Variants in RPRD2 observed in about 807,000 individuals in gnomAD.
RPRD2 encodes regulation of nuclear pre-mRNA domain-containing protein 2.
RPRD2 carries 12 observed loss-of-function variants against 104.4 expected under a neutral mutation model. The ratio of observed to expected loss-of-function variants is 0.11; its 90% CI spans 0.07 to 0.19. The LOEUF is 0.19. Among genes scored for constraint, RPRD2 ranks in the 10% least tolerant of loss-of-function variants. The pLI, the probability that RPRD2 is intolerant of heterozygous loss-of-function variation, is 1.00. For missense variants in RPRD2, 1,543 were observed against 1,790.1 expected, an observed-to-expected ratio of 0.86 and a Z score of 2.49; for synonymous variants, 714 against 684.9, an observed-to-expected ratio of 1.04 and a Z score of -0.66.
intron 1 of RPRD2, among the ~76,000 whole-genome samples, chr1:150,375,714 A>G (rs1441490814): frequency 6.6e-6 from 1 of 151,878 alleles, no homozygotes; most frequent in Non-Finnish European, 1.5e-5. Flanking sequence ...CACTTTTTCC[A>G]GGTGTTTATT....
intron 1 of RPRD2, among the ~76,000 whole-genome samples, chr1:150,387,329 TG>T (rs1309227468): frequency 6.6e-6 from 1 of 152,034 alleles, no homozygotes; most frequent in African/African-American, 2.4e-5. Flanking sequence ...GAAAGAACCT[TG>T]GGAGCACCAG....
chr1:150,431,860 C>CA lies in RPRD2; in HGVS notation c.336-9058dup, dbSNP rs201303019. Among the ~76,000 whole-genome samples, 736 of 152,094 alleles carry CA rather than the reference C, an allele frequency of 4.8e-3. 5 individuals are homozygous for CA. Among genetic ancestry groups the CA allele is most frequent in the African/African-American group, 0.017 (699 of 41,494 alleles). ...TATGCTAAGTGAAACACGCCTGTCA[C>CA]AAAAAGACAAGTATTATATGATGCC... On this transcript the variant is annotated intron_variant, in intron 2 of 10. Transcript: ENST00000369068.
chr1:150,365,894 G>A (rs78148050), intron 1 of RPRD2, among the ~76,000 whole-genome samples: 8 of 152,160 alleles, frequency 5.3e-5, no homozygotes, highest in African/African-American at 1.9e-4. Flanking sequence ...GCCCGGCCCC[G>A]TTACTTTTTA....
rs587703954 is a variant in RPRD2 at position 150,427,459 on chromosome 1, C to T, written c.335+9734C>T. Among the ~76,000 whole-genome samples the T allele has an allele frequency of 7.5e-5, 11 of 147,320 alleles. No individual in the cohort carries two copies. The East Asian group carries it at 1.8e-3, about 24-fold the overall frequency. ...CTGCACTCCAGCCTGGGCAACAGAG[C>T]GAGACTCTATCTCAAAAAAAAAAAA... On this transcript the variant is annotated intron_variant, in intron 2 of 10. Transcript: ENST00000369068.
At chr1:150,384,483 TATTATTATTAGG>T (rs1455056419) in intron 1 of RPRD2, among the ~76,000 whole-genome samples, 6 of 148,420 alleles carry the variant, frequency 4.0e-5, no homozygotes, top group African/African-American at 1.5e-4. Flanking sequence ...TTATTATTAT[TATTATTATTAGG>T]GATGGAGCTC....
intron 5 of RPRD2, 102 bp from the exon 6 acceptor site, chr1:150,444,149 T>G (rs1666600314): frequency 1.2e-5 from 13 of 1,104,834 alleles, no homozygotes; most frequent in Non-Finnish European, 1.5e-5. Context: ...CTTTAGGGTG[T>G]TTGTTTTGTT....
intron 2 of RPRD2, among the ~76,000 whole-genome samples, chr1:150,429,303 G>A (rs1274607164): frequency 6.6e-6 from 1 of 151,970 alleles, no homozygotes; most frequent in Non-Finnish European, 1.5e-5. Context: ...TGTTGGTCAG[G>A]CTGGTCTCGA....
rs1394710325 is a variant in RPRD2 at position 150,471,431 on chromosome 1, A to C, written c.2483A>C (p.Gln828Pro). The C allele has an allele frequency of 1.9e-6, 3 of 1,613,846 alleles. No homozygotes were observed. The highest frequency in any genetic ancestry group is 2.5e-6 in the Non-Finnish European group (3 of 1,179,900). The change falls in exon 11 of 11, where the codon CAA becomes CCA. Residue 828 changes from glutamine (Q) to proline (P), a missense_variant. By Grantham distance (76) the Gln-to-Pro change is moderately conservative. Around this residue, in one of 4 missense-constraint regions of RPRD2, gnomAD observed 880 missense variants for 885.6 expected, o/e 0.99. Transcript: ENST00000369068. This position sits in a 1 kb window ranked among gnomAD's most constrained non-coding sequence, Gnocchi z 5.3. ...AAGTTCTACCCAGATACTTCTTTCC[A>C]AGAAGATGAGGATTACCGAGATTTT... Reference protein sequence around the residue: ...QEKFYPDTSFQEDEDYRDFEY... With the variant: ...QEKFYPDTSFPEDEDYRDFEY...
intron 2 of RPRD2, among the ~76,000 whole-genome samples, chr1:150,419,045 A>G (rs957350566): frequency 6.6e-6 from 1 of 152,128 alleles, no homozygotes; most frequent in Admixed American, 6.6e-5. Context: ...AGCATTTCCT[A>G]AACTCTGACC....
In RPRD2 at chr1:150,446,272, C is replaced by T. The variant is rs1666767063; in HGVS notation, c.741C>T (p.Ser247=). Reference sequence around the variant, plus strand: ...TCTCCAAAGAATTTGAAGAGGCAAGCTCCAAGCTGGAAGAATTTGTGAATG... The same window carrying T: ...TCTCCAAAGAATTTGAAGAGGCAAGTTCCAAGCTGGAAGAATTTGTGAATG... ...KKFSKEFEEA[S]SKLEEFVNGL... The change falls in exon 7 of 11, where the codon AGC becomes AGT. Residue 247 remains serine (S), a synonymous_variant. Transcript: ENST00000369068. 1 of 1,607,114 alleles carries T rather than the reference C, an allele frequency of 6.2e-7. No individual in the cohort carries two copies. The highest frequency in any genetic ancestry group is 8.5e-7 in the Non-Finnish European group (1 of 1,177,846).
chr1:150,374,880 T>C (rs1347088975), intron 1 of RPRD2, among the ~76,000 whole-genome samples: 1 of 152,148 alleles, frequency 6.6e-6, no homozygotes, highest in Non-Finnish European at 1.5e-5. Context: ...AAGTAATAAA[T>C]CTATTTTGGT....
At chr1:150,442,404 G>A (rs1201414544) in intron 4 of RPRD2, among the ~76,000 whole-genome samples, 1 of 152,076 alleles carries the variant, frequency 6.6e-6, no homozygotes, top group Non-Finnish European at 1.5e-5. Flanking sequence ...AATTAGACAT[G>A]GACCTCAGAT....
intron 2 of RPRD2, among the ~76,000 whole-genome samples, chr1:150,438,500 G>T (rs1287420004): frequency 6.6e-6 from 1 of 151,644 alleles, no homozygotes; most frequent in Non-Finnish European, 1.5e-5. Flanking sequence ...GTGGTGGCAG[G>T]CGCCTATAAT....
intron 1 of RPRD2, among the ~76,000 whole-genome samples, chr1:150,411,157 T>C (rs1663863268): frequency 6.6e-6 from 1 of 152,104 alleles, no homozygotes; most frequent in Admixed American, 6.6e-5. Context: ...ATAGAAAGTA[T>C]TAAATAAGTT....
Position 150,474,808 on chromosome 1 carries a change from TTCTTCC to T in RPRD2, c.*1475_*1480del, listed in dbSNP as rs1668808051. 6.6e-6 allele frequency: 1 copy of T among 152,218 alleles called. No homozygotes were observed. Among genetic ancestry groups the T allele is most frequent in the Non-Finnish European group, 1.5e-5 (1 of 68,036 alleles). The allele number at this position is 152,218 out of a possible 1,614,324, so 9.4% of individuals were successfully genotyped here. ...AGAGAATTCTGGCAAGTTTCATATT[TTCTTCC>T]AAGTTAGTATAGAACTAACTATAGG... On this transcript the variant is annotated 3_prime_UTR_variant, in exon 11 of 11. Coordinates refer to ENST00000369068, the MANE Select transcript of RPRD2 (RefSeq NM_015203.5).
intron 1 of RPRD2, among the ~76,000 whole-genome samples, chr1:150,405,963 G>A (rs1553886431): frequency 6.6e-6 from 1 of 152,064 alleles, no homozygotes. Context: ...CTTTTAATTT[G>A]GATATGCCAA....
chr1:150,431,302 C>A (rs1270195357), intron 2 of RPRD2, among the ~76,000 whole-genome samples: 2 of 151,884 alleles, frequency 1.3e-5, no homozygotes, highest in African/African-American at 4.8e-5. Context: ...GATATATACC[C>A]CAAAAGAAAT....
chr1:150,384,440 G>GCATCAT (rs57772151), intron 1 of RPRD2, among the ~76,000 whole-genome samples: 12,658 of 114,068 alleles, frequency 0.11, 789 homozygotes, highest in Non-Finnish European at 0.15. Flanking sequence ...GGAATAAAAG[G>GCATCAT]CATCATCATC....
chr1:150,417,669 A>C lies in RPRD2; in HGVS notation c.279A>C (p.Ala93=). The C allele has an allele frequency of 6.2e-7, 1 of 1,609,150 alleles. No individual in the cohort carries two copies. The highest frequency in any genetic ancestry group is 8.5e-7 in the Non-Finnish European group (1 of 1,176,674). ...DVIQNCKRKN[A]IIFRESFADV... ...TACAGAACTGTAAAAGGAAAAATGC[A>C]ATCATATTCCGTGAATCATTTGCTG... is the stretch of plus-strand genomic sequence containing the variant. Residue 93 remains alanine (A), a synonymous_variant, in exon 2 of 11, where the codon GCA becomes GCC. Transcript: ENST00000369068.
Sources: allele counts gnomAD v4.1 joint callset (sites outside exome capture counted in the v4.1 genomes callset), GRCh38; gene constraint gnomAD v4.1.1; regional missense constraint gnomAD v4.1.1; non-coding constraint Gnocchi (gnomAD v3.1); transcripts MANE v1.5; gene names NCBI Gene and HGNC (gene_info 2026-07-23, HGNC 2026-07-21).